HCN1: variants seen among roughly 807,000 people sequenced by gnomAD.
HCN1 encodes hyperpolarization activated cyclic nucleotide gated potassium channel 1.
A neutral mutation model predicts 78.9 loss-of-function variants in HCN1; 13 were observed. That is an observed-to-expected ratio of 0.16 (90% CI 0.11 to 0.26). The LOEUF is 0.26. Among genes scored for constraint, HCN1 ranks in the 10% least tolerant of loss-of-function variants. The probability of loss-of-function intolerance (pLI) is 1.00; values close to 1 mark genes in which losing one functional copy is unlikely to be tolerated. For missense variants in HCN1, 810 were observed against 1,154.3 expected (o/e 0.70, Z 4.32); for synonymous variants, 552 against 455.5 (o/e 1.21, Z -2.70).
At chr5:45,372,023 A>C (rs1250581317) in intron 4 of HCN1, among the ~76,000 whole-genome samples, 1 of 72,486 alleles carries the variant, frequency 1.4e-5, no homozygotes, top group Non-Finnish European at 2.3e-5. Context: ...TATAATATAT[A>C]TAATATAATT....
chr5:45,591,109 T>G (rs1178101914), intron 2 of HCN1, among the ~76,000 whole-genome samples: 1 of 152,134 alleles, frequency 6.6e-6, no homozygotes, highest in Non-Finnish European at 1.5e-5. Context: ...TGGCCTAGTT[T>G]CTTTTTAGTG....
intron 3 of HCN1, among the ~76,000 whole-genome samples, chr5:45,448,335 T>C (rs373157762): frequency 9.9e-5 from 15 of 152,204 alleles, no homozygotes; most frequent in African/African-American, 3.4e-4. Flanking sequence ...CTGGACTTTA[T>C]TCCAGTTTAT....
At chr5:45,322,114 A>T (rs1361688015) in intron 5 of HCN1, among the ~76,000 whole-genome samples, 1 of 151,910 alleles carries the variant, frequency 6.6e-6, no homozygotes, top group Non-Finnish European at 1.5e-5. Context: ...ATTCCGTGAC[A>T]TAGTCACAAA....
intron 1 of HCN1, among the ~76,000 whole-genome samples, chr5:45,674,449 G>T (rs1197600756): frequency 6.6e-6 from 1 of 151,632 alleles, no homozygotes; most frequent in East Asian, 1.9e-4. Context: ...CACAGTATTT[G>T]TTTATAATTT....
chr5:45,281,706 G>A (rs992626668), intron 6 of HCN1, among the ~76,000 whole-genome samples: 1 of 146,978 alleles, frequency 6.8e-6, no homozygotes, highest in Non-Finnish European at 1.5e-5. Context: ...TCCTGCCTCA[G>A]CCTCCTGAGC....
At chr5:45,373,466 T>C (rs1189683966) in intron 4 of HCN1, among the ~76,000 whole-genome samples, 1 of 139,018 alleles carries the variant, frequency 7.2e-6, no homozygotes, top group Non-Finnish European at 1.5e-5. Flanking sequence ...TTATATACAT[T>C]ATATACATCA....
chr5:45,650,697 C>T lies in HCN1; in HGVS notation c.426-5089G>A, dbSNP rs189015935. On this transcript the variant is annotated intron_variant, in intron 1 of 7. Transcript: ENST00000303230. ...TTTTTTATGTAGAGTGTATCTTCTC[C>T]CTATAGGTTTCTAGAAGAGATAAAG... 1.3e-4 allele frequency among the ~76,000 whole-genome samples: 19 copies of T among 151,792 alleles called. 1 individual carries two copies. The highest frequency in any genetic ancestry group is 6.8e-3 in the Middle Eastern group (2 of 294).
Position 45,260,294 on chromosome 5 carries a change from A to G in HCN1, c.*1627T>C, listed in dbSNP as rs1249637387. 6.6e-6 allele frequency: 1 copy of G among 152,224 alleles called. No individual in the cohort carries two copies. The highest frequency in any genetic ancestry group is 1.9e-4 in the East Asian group (1 of 5,196). 9.4% of individuals were successfully genotyped at this position (152,224 alleles called of 1,614,324 possible). On this transcript the variant is annotated 3_prime_UTR_variant, in exon 8 of 8. Transcript: ENST00000303230. ...TATTTACCGCAGCCAGTTGTTAGGAATCTTTCAATTGTGTTCCAGTCATAC... is the reference window on the plus strand; with the variant it reads ...TATTTACCGCAGCCAGTTGTTAGGAGTCTTTCAATTGTGTTCCAGTCATAC...
intron 2 of HCN1, among the ~76,000 whole-genome samples, chr5:45,540,074 T>C (rs1743067512): frequency 6.6e-6 from 1 of 151,380 alleles, no homozygotes; most frequent in South Asian, 2.1e-4. Flanking sequence ...AAAAAACATC[T>C]TTGCAAATAG....
chr5:45,268,218 T>C (rs1744897925), intron 6 of HCN1, among the ~76,000 whole-genome samples: 6 of 152,230 alleles, frequency 3.9e-5, no homozygotes. Context: ...GAAATTTAGA[T>C]TTCCAAAATA....
In HCN1 at chr5:45,534,309, T is replaced by A. The variant is rs1742919452; in HGVS notation, c.850-72302A>T. ...CTACTCGGAGGCTGAGGCACGAGAA[T>A]CACTTGAATCACGGAGGCAGAGGTT... On this transcript the variant is annotated intron_variant, in intron 2 of 7. Coordinates refer to ENST00000303230, the MANE Select transcript of HCN1 (RefSeq NM_021072.4). Among the ~76,000 whole-genome samples the A allele has an allele frequency of 2.1e-5, 3 of 141,146 alleles. No individual in the cohort carries two copies. The South Asian group carries it at 6.7e-4, about 31-fold the overall frequency. 92.6% of individuals were successfully genotyped at this position (141,146 alleles called of 152,430 possible). A position where few individuals can be genotyped will look rare whatever the true frequency, so the allele number is the denominator to read the frequency against.
chr5:45,513,547 C>G (rs1013815336), intron 2 of HCN1, among the ~76,000 whole-genome samples: 2 of 152,108 alleles, frequency 1.3e-5, no homozygotes, highest in African/African-American at 4.8e-5. Flanking sequence ...GGTTGCATGG[C>G]CTGTGGTAAG....
chr5:45,317,801 G>A (rs1486867513), intron 5 of HCN1, among the ~76,000 whole-genome samples: 9 of 152,042 alleles, frequency 5.9e-5, no homozygotes, highest in African/African-American at 2.2e-4. Context: ...GCAGCCAACA[G>A]ACACATGAAA....
intron 2 of HCN1, among the ~76,000 whole-genome samples, chr5:45,544,731 C>G (rs563490414): frequency 2.6e-5 from 4 of 151,734 alleles, no homozygotes; most frequent in South Asian, 2.1e-4. Context: ...ATAGTTTGCT[C>G]AGAATGATGG....
At chr5:45,271,347 T>C (rs1014178139) in intron 6 of HCN1, among the ~76,000 whole-genome samples, 10 of 147,264 alleles carry the variant, frequency 6.8e-5, no homozygotes, top group Non-Finnish European at 1.3e-4. Context: ...TCTGGTTTCC[T>C]GCTGATTCAG....
chr5:45,457,766 G>A (rs1056946955), intron 3 of HCN1, among the ~76,000 whole-genome samples: 1 of 152,050 alleles, frequency 6.6e-6, no homozygotes, highest in Non-Finnish European at 1.5e-5. Context: ...AGGGTGAAAG[G>A]GCCAGCAATC....
chr5:45,372,258 T>TA (rs1747411619), intron 4 of HCN1, among the ~76,000 whole-genome samples: 1 of 50,268 alleles, frequency 2.0e-5, no homozygotes, highest in Non-Finnish European at 3.0e-5. Flanking sequence ...ATAATATATA[T>TA]TTATATATAT....
intron 2 of HCN1, among the ~76,000 whole-genome samples, chr5:45,488,026 G>A (rs2111691237): frequency 6.6e-6 from 1 of 152,192 alleles, no homozygotes; most frequent in Non-Finnish European, 1.5e-5. Context: ...TGTATTAAAT[G>A]TGAATCATTT....
chr5:45,255,190 T>G lies in HCN1; in HGVS notation c.*6731A>C, dbSNP rs1233858955. On this transcript the variant is annotated 3_prime_UTR_variant, in exon 8 of 8. Coordinates refer to ENST00000303230, the MANE Select transcript of HCN1 (RefSeq NM_021072.4). ...TTAGACAGCGTGACCAAGAGTAAAC[T>G]TTGGATGGTCCAGGATAAAATTATA... 6.6e-6 allele frequency: 1 copy of G among 152,228 alleles called. No homozygotes were observed. 9.4% of individuals were successfully genotyped at this position (152,228 alleles called of 1,614,324 possible).
Sources: allele counts gnomAD v4.1 joint callset (sites outside exome capture counted in the v4.1 genomes callset), GRCh38; gene constraint gnomAD v4.1.1; transcripts MANE v1.5; gene names NCBI Gene and HGNC (gene_info 2026-07-23, HGNC 2026-07-21).